The following GAS6 variants were observed in gnomAD, a reference collection of about 807,000 sequenced individuals.
GAS6 encodes growth arrest-specific protein 6.
Under a neutral mutation model 75.8 loss-of-function variants are expected in GAS6, and 41 were observed. The ratio of observed to expected loss-of-function variants is 0.54; its 90% CI spans 0.42 to 0.70. The LOEUF is 0.70. Among genes scored for constraint, GAS6 ranks in the 30% least tolerant of loss-of-function variants. GAS6 has a pLI of 0.00. For missense variants in GAS6, 854 were observed against 940.2 expected (o/e 0.91, Z 1.20); for synonymous variants, 432 against 412.6 (o/e 1.05, Z -0.57).
chr13:113,821,182 A>G, intron 14 of GAS6, 164 bp from the exon 15 acceptor site: 5 of 704,932 alleles, frequency 7.1e-6, no homozygotes, highest in Non-Finnish European at 1.2e-5. Context: ...TTGGCCGCAG[A>G]CCCGGCAGAC....
chr13:113,835,930 CTG>C (rs1412341520), intron 6 of GAS6: 3 of 1,205,358 alleles, frequency 2.5e-6, no homozygotes, highest in Non-Finnish European at 3.1e-6. Context: ...GCACGCTGTG[CTG>C]TTCCATTTAA....
At chr13:113,838,817 A>G (rs1484398867) in intron 5 of GAS6, among the ~76,000 whole-genome samples, 7 of 131,124 alleles carry the variant, frequency 5.3e-5, no homozygotes, top group Admixed American at 7.5e-5. Context: ...GAGCAGGGAG[A>G]GAGCCTGGGA....
In GAS6 at chr13:113,824,081, GAGCTGTCA is replaced by G. The variant is rs1324199778; in HGVS notation, c.1478-539_1478-532del. 3.5e-3 allele frequency among the ~76,000 whole-genome samples: 526 copies of G among 151,374 alleles called. 12 individuals carry two copies. Among genetic ancestry groups the G allele is most frequent in the African/African-American group, 1.0e-2 (412 of 41,228 alleles). ...CAGGAGCACGCGCGGTCTGGGGTCTGAGCTGTCAGGAGCACCCGCGGTCTGAGTTCTGA... is the reference window on the plus strand; with the variant it reads ...CAGGAGCACGCGCGGTCTGGGGTCTGGGAGCACCCGCGGTCTGAGTTCTGA... On this transcript the variant is annotated intron_variant, in intron 12 of 14. Transcript: ENST00000327773.
intron 7 of GAS6, 22 bp from the exon 8 acceptor site, chr13:113,834,694 C>T (rs368723317): frequency 9.3e-5 from 142 of 1,519,994 alleles, no homozygotes; most frequent in East Asian, 2.4e-4. Flanking sequence ...AGGGAAGCGG[C>T]GGTGAGCCGG....
rs201261387 is a variant in GAS6, at chr13:113,832,530, C to A, written c.954-42G>T. The A allele has an allele frequency of 3.0e-4, 481 of 1,594,008 alleles. 1 individual carries two copies. The highest frequency in any genetic ancestry group is 3.8e-4 in the Non-Finnish European group (448 of 1,168,382). On this transcript the variant is annotated intron_variant, in intron 9 of 14. Coordinates refer to ENST00000327773, the MANE Select transcript of GAS6 (RefSeq NM_000820.4). Reference sequence around the variant, plus strand: ...GAAATGAGTCAGCACTGGGCACAGGCAGATGCCCGGCCCCTCCCTGCTGGC... The same window carrying A: ...GAAATGAGTCAGCACTGGGCACAGGAAGATGCCCGGCCCCTCCCTGCTGGC...
At chr13:113,828,234 A>G (rs1297070960) in intron 11 of GAS6, among the ~76,000 whole-genome samples, 3 of 152,152 alleles carry the variant, frequency 2.0e-5, no homozygotes, top group Admixed American at 1.3e-4. Flanking sequence ...ACTGCACTCC[A>G]GCCTGGGCAA....
At chr13:113,847,030 C>A (rs761007917) in intron 3 of GAS6, 2 of 508,392 alleles carry the variant, frequency 3.9e-6, no homozygotes, top group Admixed American at 4.0e-5. Context: ...CACAGCTTGA[C>A]AGCAGACATC....
In GAS6 at chr13:113,839,789, G is replaced by T; in HGVS notation, c.405C>A (p.Asp135Glu). ...ACAGGCAGAAGAAGTTGCCCATGAG[G>T]TCCTGGCAGGCTTGGGTCCCCTTCC... is the stretch of plus-strand genomic sequence containing the variant. ...CDRKGTQACQDLMGNFFCLCK... is the reference protein window; with the variant it reads ...CDRKGTQACQELMGNFFCLCK... The change falls in exon 5 of 15, where the codon GAC becomes GAA. Residue 135 changes from aspartate to glutamate, a missense_variant. Transcript: ENST00000327773. 6.2e-7 allele frequency: 1 copy of T among 1,614,036 alleles called. No individual in the cohort carries two copies. Among genetic ancestry groups the T allele is most frequent in the Non-Finnish European group, 8.5e-7 (1 of 1,180,020 alleles).
intron 2 of GAS6, among the ~76,000 whole-genome samples, chr13:113,854,899 A>G (rs2051902134): frequency 1.3e-5 from 2 of 152,192 alleles, no homozygotes; most frequent in Admixed American, 1.3e-4. Flanking sequence ...GACTAAAGAC[A>G]GGCCAGTCTG....
At chr13:113,855,006 G>A (rs144225726) in intron 2 of GAS6, among the ~76,000 whole-genome samples, 11 of 152,372 alleles carry the variant, frequency 7.2e-5, no homozygotes, top group East Asian at 1.9e-4. Context: ...CCTCGTGCCC[G>A]CAACAGCTGC....
chr13:113,851,952 C>G (rs1023216381), intron 2 of GAS6, among the ~76,000 whole-genome samples: 1 of 152,146 alleles, frequency 6.6e-6, no homozygotes, highest in African/African-American at 2.4e-5. Context: ...GCCCACTGCA[C>G]GGAGGATGCA....
chr13:113,863,770 C>T lies in GAS6; in HGVS notation c.89-29G>A. ...CCCGGAGGGAGAGAGGGGGACGCGT[C>T]AAGCCGCGCCCGGAGCCTCCTCCCG... On this transcript the variant is annotated intron_variant, in intron 1 of 14. Transcript: ENST00000327773. This position sits in a 1 kb window ranked among gnomAD's most constrained non-coding sequence, Gnocchi z 9.4. 1.4e-6 allele frequency: 2 copies of T among 1,448,578 alleles called. No individual in the cohort carries two copies. Among genetic ancestry groups the T allele is most frequent in the Non-Finnish European group, 1.8e-6 (2 of 1,110,260 alleles). 89.7% of individuals were successfully genotyped at this position (1,448,578 alleles called of 1,614,324 possible).
At chr13:113,858,401 G>C (rs1487506685) in intron 2 of GAS6, among the ~76,000 whole-genome samples, 1 of 139,682 alleles carries the variant, frequency 7.2e-6, no homozygotes, top group Non-Finnish European at 1.6e-5. Flanking sequence ...GTGTGTGACT[G>C]TGTGTTTACA....
intron 10 of GAS6, among the ~76,000 whole-genome samples, chr13:113,830,015 A>T (rs930413530): frequency 1.3e-5 from 2 of 152,262 alleles, no homozygotes; most frequent in African/African-American, 4.8e-5. Flanking sequence ...TCCCAACCTC[A>T]GAGAGTCCCT....
chr13:113,841,584 GCCCCACAGTTTCCTCCA>G (rs2051778896), intron 4 of GAS6: 1 of 74,876 alleles, frequency 1.3e-5, no homozygotes, highest in Non-Finnish European at 2.7e-5. Flanking sequence ...TCCTCCATAC[GCCCCACAGTTTCCTCCA>G]TATGCCCAGT....
At chr13:113,847,755 C>T in intron 3 of GAS6, 1 of 482,434 alleles carries the variant, frequency 2.1e-6, no homozygotes, top group South Asian at 2.4e-5. Flanking sequence ...CACGTCCTGA[C>T]AAGGAGCTGA....
chr13:113,835,963 G>A (rs1223110117), intron 6 of GAS6: 25 of 1,097,648 alleles, frequency 2.3e-5, no homozygotes, highest in Non-Finnish European at 2.8e-5. Flanking sequence ...TACAGGACAC[G>A]GGGCCGTAAA....
At chr13:113,836,125 G>A (rs1181587635) in intron 6 of GAS6, 1 of 912,366 alleles carries the variant, frequency 1.1e-6, no homozygotes, top group Non-Finnish European at 1.3e-6. Flanking sequence ...CAAGCACCCT[G>A]GGGTAGGAGG....
At chr13:113,821,140 C>T (rs1363593763) in intron 14 of GAS6, 122 bp from the exon 15 acceptor site, 2 of 1,028,074 alleles carry the variant, frequency 1.9e-6, no homozygotes, top group African/African-American at 1.6e-5. Context: ...CAGGGTTTCC[C>T]TTTCTTCTCT....
Sources: allele counts gnomAD v4.1 joint callset (sites outside exome capture counted in the v4.1 genomes callset), GRCh38; gene constraint gnomAD v4.1.1; non-coding constraint Gnocchi (gnomAD v3.1); transcripts MANE v1.5; gene names NCBI Gene and HGNC (gene_info 2026-07-23, HGNC 2026-07-21).